Variants in DDX11 observed in about 807,000 individuals in gnomAD.
DDX11 encodes the protein ATP-dependent DNA helicase DDX11.
Under a neutral mutation model 125.2 loss-of-function variants are expected in DDX11, and 72 were observed. That is an observed-to-expected ratio of 0.58 (90% confidence interval 0.48 to 0.70). DDX11 has a LOEUF of 0.70. Ranked by LOEUF, DDX11 falls within the 30% of genes least tolerant of loss-of-function variation. DDX11 has a pLI of 0.00. For synonymous variants in DDX11, 347 were observed against 452.6 expected, an observed-to-expected ratio of 0.77 and a Z score of 2.96; for missense variants, 883 against 1,165.0, an observed-to-expected ratio of 0.76 and a Z score of 3.52.
At chr12:31,098,590 A>G (rs983710154) in intron 18 of DDX11, among the ~76,000 whole-genome samples, 14 of 152,366 alleles carry the variant, frequency 9.2e-5, no homozygotes, top group Admixed American at 5.9e-4. Flanking sequence ...TGTTTTGAGC[A>G]TGACTGTGAT....
At chr12:31,091,982 G>A (rs963754268) in intron 10 of DDX11, 111 bp downstream of exon 10, 87 of 1,486,556 alleles carry the variant, frequency 5.9e-5, no homozygotes, top group Non-Finnish European at 7.8e-5. Flanking sequence ...GCTTGATAGA[G>A]GGTGCACGAG....
chr12:31,095,094 C>T (rs1037676592), intron 14 of DDX11, among the ~76,000 whole-genome samples: 1 of 152,196 alleles, frequency 6.6e-6, no homozygotes, highest in Non-Finnish European at 1.5e-5. Context: ...CGTCTTCTGG[C>T]ACAGTCTCCC....
chr12:31,074,699 A>C (rs1940447559), intron 1 of DDX11, among the ~76,000 whole-genome samples: 1 of 152,224 alleles, frequency 6.6e-6, no homozygotes, highest in African/African-American at 2.4e-5. Context: ...CTGGTGGAGC[A>C]CCGCAGTACT....
At chr12:31,097,467 T>C (rs1385768931) in intron 17 of DDX11, among the ~76,000 whole-genome samples, 1 of 149,416 alleles carries the variant, frequency 6.7e-6, no homozygotes, top group Non-Finnish European at 1.5e-5. Context: ...GATCGTGAGT[T>C]CAGGAGATCG....
Position 31,104,107 on chromosome 12 carries a change from T to C in DDX11, c.*271T>C, listed in dbSNP as rs953851800. 88 of 1,496,000 alleles carry C rather than the reference T, an allele frequency of 5.9e-5. No individual in the cohort carries two copies. The African/African-American group carries it at 1.1e-3, about 18-fold the overall frequency. The allele number at this position is 1,496,000 out of a possible 1,614,324, so 92.7% of individuals were successfully genotyped here. On this transcript the variant is annotated 3_prime_UTR_variant, in exon 27 of 27. Coordinates refer to ENST00000542838, the MANE Select transcript of DDX11 (RefSeq NM_030653.4). ...TGGAATAGAATCTTTCTTTCCATCC[T>C]GCATGGCTGAGAGCCAGGCTTCCTT... is the stretch of plus-strand genomic sequence containing the variant.
Position 31,096,949 on chromosome 12 carries a change from C to T in DDX11, c.1721C>T (p.Thr574Ile). 6.2e-7 allele frequency: 1 copy of T among 1,614,076 alleles called. No individual in the cohort carries two copies. The highest frequency in any genetic ancestry group is 8.5e-7 in the Non-Finnish European group (1 of 1,180,006). The change falls in exon 17 of 27, where the codon ACT becomes ATT. Residue 574 changes from threonine to isoleucine, a missense_variant. Physicochemically the swap from Thr to Ile is moderately conservative, Grantham distance 89 (BLOSUM62 -1). Around this residue, in one of 5 missense-constraint regions of DDX11, gnomAD observed 241 missense variants for 279.7 expected, o/e 0.86. Transcript: ENST00000542838. The stretch of plus-strand genomic sequence containing the variant: ...ATCCAAGGCTTCCTGGCAGCTCTCA[C>T]TACGGCCAACCAGGACGGCAGGGTC... The part of the protein sequence containing the change: ...MHIQGFLAAL[T>I]TANQDGRVIL...
intron 9 of DDX11, chr12:31,091,347 G>A (rs2553129): frequency 0.46 from 88,588 of 193,842 alleles, 22,436 homozygotes; most frequent in East Asian, 0.78. Flanking sequence ...CACAGCTGGG[G>A]AGTAGCAGCT....
At chr12:31,101,219 G>A in intron 20 of DDX11, 89 bp downstream of exon 20, 2 of 1,139,390 alleles carry the variant, frequency 1.8e-6, no homozygotes, top group Non-Finnish European at 1.3e-6. Flanking sequence ...CACCCTGAGT[G>A]TTTTCAGTGT....
Position 31,074,495 on chromosome 12 carries a change from A to C in DDX11, c.-5+404A>C, listed in dbSNP as rs576713066. On this transcript the variant is annotated intron_variant, in intron 1 of 26. Transcript: ENST00000542838. ...CCCAGGGCGGGAATCGAGGCGGAGCAGGGTACAGTACGGAGGCCAGGAATG... is the reference window on the plus strand; with the variant it reads ...CCCAGGGCGGGAATCGAGGCGGAGCCGGGTACAGTACGGAGGCCAGGAATG... 2.0e-4 allele frequency among the ~76,000 whole-genome samples: 30 copies of C among 152,342 alleles called. No homozygotes were observed. In the South Asian group the frequency reaches 2.9e-3, roughly 15 times the overall value.
At chr12:31,088,433 C>T (rs1379710622) in intron 6 of DDX11, among the ~76,000 whole-genome samples, 2 of 152,066 alleles carry the variant, frequency 1.3e-5, no homozygotes, top group African/African-American at 2.4e-5. Context: ...GACATGAGTC[C>T]CCTGCCCTTT....
chr12:31,084,150 C>T, intron 3 of DDX11, 89 bp downstream of exon 3: 3 of 1,539,092 alleles, frequency 1.9e-6, no homozygotes, highest in Non-Finnish European at 2.7e-6. Flanking sequence ...TCAGGCAGTG[C>T]ATGCTCCCCT....
chr12:31,089,033 C>A lies in DDX11; in HGVS notation c.685-11C>A, dbSNP rs775903673. On this transcript the variant is annotated splice_polypyrimidine_tract_variant and intron_variant, in intron 6 of 26. Transcript: ENST00000542838. Reference sequence around the variant, plus strand: ...TTCTCTCTTTGAAGCGCCTTTCTTTCTCTCTGCTAGATTTATTACTGTAGT... The same window carrying A: ...TTCTCTCTTTGAAGCGCCTTTCTTTATCTCTGCTAGATTTATTACTGTAGT... 6.2e-7 allele frequency: 1 copy of A among 1,612,926 alleles called. No individual in the cohort carries two copies. Among genetic ancestry groups the A allele is most frequent in the South Asian group, 1.1e-5 (1 of 91,054 alleles).
intron 17 of DDX11, among the ~76,000 whole-genome samples, chr12:31,097,428 C>T (rs1945466239): frequency 8.1e-6 from 1 of 122,742 alleles, no homozygotes; most frequent in South Asian, 2.7e-4. Flanking sequence ...GCCTATAATC[C>T]CAGCACTTTG....
intron 17 of DDX11, among the ~76,000 whole-genome samples, 186 bp from the exon 18 acceptor site, chr12:31,097,697 AGG>A (rs1270580781): frequency 1.6e-4 from 23 of 148,180 alleles, no homozygotes; most frequent in Admixed American, 1.5e-3. Context: ...AAAAAAAAAA[AGG>A]ATGGAGAGGA....
chr12:31,087,771 G>A, intron 5 of DDX11, 167 bp from the exon 6 acceptor site: 4 of 1,214,808 alleles, frequency 3.3e-6, no homozygotes, highest in Non-Finnish European at 4.7e-6. Flanking sequence ...GGGAGGTTGG[G>A]GTTGGCATTT....
At chr12:31,084,148 T>C in intron 3 of DDX11, 87 bp downstream of exon 3, 6 of 1,549,198 alleles carry the variant, frequency 3.9e-6, no homozygotes, top group Non-Finnish European at 5.3e-6. Flanking sequence ...ACTCAGGCAG[T>C]GCATGCTCCC....
chr12:31,095,839 C>T (rs1289228289), intron 14 of DDX11, among the ~76,000 whole-genome samples: 3 of 152,136 alleles, frequency 2.0e-5, no homozygotes, highest in Non-Finnish European at 4.4e-5. Context: ...GAATCCTCAT[C>T]GAAGGACGTC....
At position 31,103,813 on chromosome 12, in the gene DDX11, C is replaced by T. The variant is rs140858176; in HGVS notation, c.2698C>T (p.Arg900Trp). 59 of 1,613,720 alleles carry T rather than the reference C, an allele frequency of 3.7e-5. No homozygotes were observed. The highest frequency in any genetic ancestry group is 2.1e-4 in the African/African-American group (16 of 74,888). Residue 900 changes from arginine to tryptophan, a missense_variant, in exon 27 of 27, where the codon CGG becomes TGG. Transcript: ENST00000542838. Reference protein sequence around the residue: ...PAIAAVQKFHREKSASS With the variant: ...PAIAAVQKFHWEKSASS ...CTGCCTTCTGTCTGCCCAGTTTCACCGGGAGAAGTCGGCCTCTTCCTGATG... is the reference window on the plus strand; with the variant it reads ...CTGCCTTCTGTCTGCCCAGTTTCACTGGGAGAAGTCGGCCTCTTCCTGATG...
At chr12:31,089,677 T>C (rs1227176452) in intron 8 of DDX11, 187 bp downstream of exon 8, 1 of 1,171,108 alleles carries the variant, frequency 8.5e-7, no homozygotes, top group East Asian at 2.6e-5. Context: ...GTCCGAATCC[T>C]TGGCTTGGAG....
Sources: allele counts gnomAD v4.1 joint callset (sites outside exome capture counted in the v4.1 genomes callset), GRCh38; gene constraint gnomAD v4.1.1; regional missense constraint gnomAD v4.1.1; transcripts MANE v1.5; gene names NCBI Gene and HGNC (gene_info 2026-07-23, HGNC 2026-07-21).